The following HPSE2 variants were observed in gnomAD, a reference collection of about 807,000 sequenced individuals.
The protein encoded by HPSE2 is inactive heparanase-2.
HPSE2 carries 38 observed loss-of-function variants against 60.5 expected under a neutral mutation model. The ratio of observed to expected loss-of-function variants is 0.63; its 90% CI spans 0.48 to 0.82. The LOEUF is 0.82. Among genes scored for constraint, HPSE2 ranks in the 40% least tolerant of loss-of-function variants. The pLI, the probability that HPSE2 is intolerant of heterozygous loss-of-function variation, is 0.00. For synonymous variants in HPSE2, 295 were observed against 293.2 expected (o/e 1.01, Z -0.06); for missense variants, 713 against 740.4 (o/e 0.96, Z 0.43).
At chr10:98,847,793 GGTCT>G (rs1416321882) in intron 3 of HPSE2, among the ~76,000 whole-genome samples, 3 of 152,102 alleles carry the variant, frequency 2.0e-5, no homozygotes, top group African/African-American at 7.2e-5. Context: ...CAGAACAAAT[GGTCT>G]GTCAATGAAA....
chr10:98,770,680 C>A (rs1323361125), intron 3 of HPSE2, among the ~76,000 whole-genome samples: 1 of 152,162 alleles, frequency 6.6e-6, no homozygotes, highest in Non-Finnish European at 1.5e-5. Flanking sequence ...AGACATTAGA[C>A]TGGTCTGAAG....
chr10:98,619,563 C>T (rs1946016615), intron 8 of HPSE2, among the ~76,000 whole-genome samples: 2 of 152,198 alleles, frequency 1.3e-5, no homozygotes. Flanking sequence ...ACTTCCTCTA[C>T]CGGGTTTTTA....
At chr10:98,472,459 AG>A (rs1940817472) in intron 11 of HPSE2, among the ~76,000 whole-genome samples, 1 of 148,536 alleles carries the variant, frequency 6.7e-6, no homozygotes, top group Admixed American at 6.7e-5. Flanking sequence ...GATCTGCACC[AG>A]GGGGGCCTTT....
At chr10:98,960,701 C>CTTTTTTTTTTT in intron 3 of HPSE2, among the ~76,000 whole-genome samples, 36 of 57,490 alleles carry the variant, frequency 6.3e-4, no homozygotes, top group Admixed American at 1.3e-3. Context: ...ATGTACATTT[C>CTTTTTTTTTTT]TTTTTTTTTT....
chr10:99,300,988 T>A, the HPSE2 span, among the ~76,000 whole-genome samples: 12 of 152,206 alleles, frequency 7.9e-5, no homozygotes, highest in African/African-American at 2.4e-4. Context: ...TATAGATTTG[T>A]TCAGGATCTA....
chr10:99,240,193 AAAAG>A (rs1849916680), upstream of HPSE2, among the ~76,000 whole-genome samples: 1 of 152,228 alleles, frequency 6.6e-6, no homozygotes, highest in Admixed American at 6.5e-5. Flanking sequence ...CCATCTCAAA[AAAAG>A]AAAAGAAAAG....
At chr10:99,167,417 A>G (rs960948049) in intron 2 of HPSE2, among the ~76,000 whole-genome samples, 1 of 152,202 alleles carries the variant, frequency 6.6e-6, no homozygotes, top group African/African-American at 2.4e-5. Flanking sequence ...ATTTAGGTAT[A>G]TGATTGTTTT....
intron 3 of HPSE2, among the ~76,000 whole-genome samples, chr10:98,886,954 T>C (rs1953182970): frequency 6.6e-6 from 1 of 152,146 alleles, no homozygotes; most frequent in South Asian, 2.1e-4. Flanking sequence ...GTCAGATCTT[T>C]CTCAATCTTT....
intron 1 of HPSE2, among the ~76,000 whole-genome samples, chr10:99,232,867 C>T (rs1213938754): frequency 6.6e-6 from 1 of 152,260 alleles, no homozygotes; most frequent in African/African-American, 2.4e-5. Flanking sequence ...CCGGCTTCTG[C>T]CACTGCCAGG....
At chr10:98,754,718 A>C (rs73325723) in intron 3 of HPSE2, among the ~76,000 whole-genome samples, 5,624 of 149,334 alleles carry the variant, frequency 0.038, 232 homozygotes, top group East Asian at 0.17. Flanking sequence ...ATTCTTAAAG[A>C]AAAAAAATTT....
intron 3 of HPSE2, among the ~76,000 whole-genome samples, chr10:98,816,453 G>A (rs1951292558): frequency 6.6e-6 from 1 of 152,048 alleles, no homozygotes; most frequent in Non-Finnish European, 1.5e-5. Context: ...GTGTTGTCGA[G>A]TACATTATAA....
chr10:99,011,796 G>A (rs1957023850), intron 3 of HPSE2, among the ~76,000 whole-genome samples: 1 of 146,368 alleles, frequency 6.8e-6, no homozygotes, highest in African/African-American at 2.5e-5. Flanking sequence ...AGCATAAAGA[G>A]TATTTTGGGT....
At chr10:99,005,474 T>C (rs1392216543) in intron 3 of HPSE2, among the ~76,000 whole-genome samples, 1 of 152,170 alleles carries the variant, frequency 6.6e-6, no homozygotes, top group East Asian at 1.9e-4. Flanking sequence ...TCATTGTGTC[T>C]TTCAGCTCCA....
rs202126356 is a variant in HPSE2 at position 99,235,765 on chromosome 10, G to A, written c.38C>T (p.Ser13Phe). Residue 13 changes from serine (S) to phenylalanine (F), a missense_variant, in exon 1 of 12, where the codon TCC becomes TTC. Physicochemically the swap from Ser to Phe is radical, Grantham distance 155. Coordinates refer to ENST00000370552, the MANE Select transcript of HPSE2 (RefSeq NM_021828.5). ...VLCAFPEAMP[S>F]SNSRPPACLA... is the part of the protein sequence containing the mutation. ...GCACGCGGGGGGGCGGGAGTTGCTGGAGGGCATGGCTTCAGGGAAGGCACA... is the reference window on the plus strand; with the variant it reads ...GCACGCGGGGGGGCGGGAGTTGCTGAAGGGCATGGCTTCAGGGAAGGCACA... 3 of 1,613,888 alleles carry A rather than the reference G, an allele frequency of 1.9e-6. No individual in the cohort carries two copies.
At position 98,819,271 on chromosome 10, in the gene HPSE2, G is replaced by A. The variant is rs543381584; in HGVS notation, c.611-75215C>T. On this transcript the variant is annotated intron_variant, in intron 3 of 11. Coordinates refer to ENST00000370552, the MANE Select transcript of HPSE2 (RefSeq NM_021828.5). ...ATTCTCACTGTCCTTATCAACACTG[G>A]GGCAATCCTCTGTATTTGACACTCA... Among the ~76,000 whole-genome samples the A allele has an allele frequency of 5.3e-5, 8 of 152,044 alleles. No homozygotes were observed. The South Asian group carries it at 1.7e-3, about 32-fold the overall frequency.
chr10:99,306,137 T>C, the HPSE2 span, among the ~76,000 whole-genome samples: 5 of 151,884 alleles, frequency 3.3e-5, no homozygotes, highest in Non-Finnish European at 5.9e-5. Context: ...CTAATATACA[T>C]GTATTTAGAA....
intron 5 of HPSE2, among the ~76,000 whole-genome samples, chr10:98,696,310 A>C (rs1038140372): frequency 1.6e-4 from 24 of 151,086 alleles, no homozygotes; most frequent in Middle Eastern, 3.4e-3. Flanking sequence ...AAAAAAAAAA[A>C]AAAAAAAACC....
At chr10:98,667,464 A>C (rs568492962) in intron 6 of HPSE2, among the ~76,000 whole-genome samples, 2 of 152,302 alleles carry the variant, frequency 1.3e-5, no homozygotes, top group South Asian at 4.1e-4. Context: ...AATCTGGCAG[A>C]GACACAATGA....
intron 3 of HPSE2, among the ~76,000 whole-genome samples, chr10:98,810,289 G>A (rs921107750): frequency 3.3e-5 from 5 of 151,746 alleles, no homozygotes; most frequent in Non-Finnish European, 7.4e-5. Context: ...AAGTTTTATG[G>A]GGCTTGAAAC....
Sources: gnomAD v4.1 joint callset for allele counts (sites outside exome capture counted in the v4.1 genomes callset) on GRCh38, gnomAD v4.1.1 for gene constraint, MANE v1.5 for transcripts, NCBI Gene and HGNC (gene_info 2026-07-23, HGNC 2026-07-21) for gene names.